Variants in LGALS3BP observed in about 807,000 individuals in gnomAD.
LGALS3BP encodes the protein galectin 3 binding protein.
LGALS3BP carries 25 observed loss-of-function variants against 22.9 expected under a neutral mutation model. That is an observed-to-expected ratio of 1.09 (90% CI 0.80 to 1.53). The LOEUF (loss-of-function observed/expected upper bound fraction) is 1.53. LGALS3BP is among the 40% of genes most tolerant of loss of function. LGALS3BP has a pLI of 0.00. For synonymous variants in LGALS3BP, 335 were observed against 331.1 expected (o/e 1.01, Z -0.13); for missense variants, 718 against 752.0 (o/e 0.95, Z 0.53).
chr17:78,971,296 A>G lies in LGALS3BP; in HGVS notation c.*280T>C, dbSNP rs2070667335. On this transcript the variant is annotated 3_prime_UTR_variant, in exon 6 of 6. Coordinates refer to ENST00000262776, the MANE Select transcript of LGALS3BP (RefSeq NM_005567.4). The surrounding 1 kb of genome is among the most constrained non-coding windows in gnomAD (Gnocchi z 5.6). ...ATTTTAATGACCTCAGACCAGTGACAAGGGCAGACTGACCAGGGGCTGTGG... is the reference window on the plus strand; with the variant it reads ...ATTTTAATGACCTCAGACCAGTGACGAGGGCAGACTGACCAGGGGCTGTGG... 1 of 493,094 alleles carries G rather than the reference A, an allele frequency of 2.0e-6. No individual in the cohort carries two copies. Among genetic ancestry groups the G allele is most frequent in the Admixed American group, 3.6e-5 (1 of 27,916 alleles). 30.5% of individuals were successfully genotyped at this position (493,094 alleles called of 1,614,324 possible). A position where few individuals can be genotyped will look rare whatever the true frequency, so the allele number is the denominator to read the frequency against.
intron 3 of LGALS3BP, 183 bp from the exon 4 acceptor site, chr17:78,975,002 T>C: frequency 1.4e-6 from 1 of 737,814 alleles, no homozygotes; most frequent in Admixed American, 3.0e-5. Flanking sequence ...TGTCAGGCCA[T>C]AAACTTAGCC....
Position 78,974,832 on chromosome 17 carries a change from C to G in LGALS3BP, c.245-13G>C. On this transcript the variant is annotated splice_polypyrimidine_tract_variant and intron_variant, in intron 3 of 5. Coordinates refer to ENST00000262776, the MANE Select transcript of LGALS3BP (RefSeq NM_005567.4). ...ATGGGGCCTGATCCTGTGGACACAG[C>G]AGATGGCAGGGCTGGGGGCGTGACG... 1 of 1,611,936 alleles carries G rather than the reference C, an allele frequency of 6.2e-7. No individual in the cohort carries two copies. Among genetic ancestry groups the G allele is most frequent in the Non-Finnish European group, 8.5e-7 (1 of 1,178,714 alleles).
chr17:78,974,926 G>A, intron 3 of LGALS3BP, 107 bp from the exon 4 acceptor site: 1 of 1,408,668 alleles, frequency 7.1e-7, no homozygotes, highest in Non-Finnish European at 9.6e-7. Flanking sequence ...GGGTCCATCT[G>A]CTTACAGGTC....
At chr17:78,975,052 A>C (rs564300581) in intron 3 of LGALS3BP, 1 of 549,992 alleles carries the variant, frequency 1.8e-6, no homozygotes, top group East Asian at 3.1e-5. Context: ...CAGCGACATC[A>C]CATTCATGTA....
chr17:78,974,868 G>A, intron 3 of LGALS3BP, 49 bp from the exon 4 acceptor site: 1 of 1,600,694 alleles, frequency 6.2e-7, no homozygotes, highest in Non-Finnish European at 8.5e-7. Flanking sequence ...ACTGCACCCA[G>A]GAGTCCCACA....
chr17:78,976,939 T>C lies in LGALS3BP; in HGVS notation c.52+201A>G. On this transcript the variant is annotated intron_variant, in intron 2 of 5. Transcript: ENST00000262776. The surrounding 1 kb of genome is among the most constrained non-coding windows in gnomAD (Gnocchi z 4.6). ...TAGTGTCCTCTCTATAACCTGCATC[T>C]CACCTGAACCCAGGTGAGCCCCCGG... 4 of 614,676 alleles carry C rather than the reference T, an allele frequency of 6.5e-6. No individual in the cohort carries two copies. In the South Asian group the frequency reaches 7.5e-5, roughly 12 times the overall value. The allele number at this position is 614,676 out of a possible 1,614,324, so 38.1% of individuals were successfully genotyped here. A position where few individuals can be genotyped will look rare whatever the true frequency, so the allele number is the denominator to read the frequency against.
Position 78,971,987 on chromosome 17 carries a change from G to C in LGALS3BP, c.1347C>G (p.Ala449=), listed in dbSNP as rs2070675512. 3.7e-6 allele frequency: 6 copies of C among 1,613,996 alleles called. No homozygotes were observed. In the East Asian group the frequency reaches 1.3e-4, roughly 36 times the overall value. The change falls in exon 6 of 6, where the codon GCC becomes GCG. Residue 449 remains alanine (A), a synonymous_variant. Transcript: ENST00000262776. The surrounding 1 kb of genome is among the most constrained non-coding windows in gnomAD (Gnocchi z 5.6). ...LVKYSSDYFQ[A]PSDYRYYPYQ... ...AGGGGTAGTATCTGTAGTCAGAGGG[G>C]GCTTGGAAGTAATCAGAAGAATATT...
At chr17:78,978,571 G>A (rs2070739468) in intron 1 of LGALS3BP, among the ~76,000 whole-genome samples, 1 of 152,244 alleles carries the variant, frequency 6.6e-6, no homozygotes, top group African/African-American at 2.4e-5. Context: ...GGCTAAAGGG[G>A]CCAGGGTGTG....
intron 3 of LGALS3BP, 139 bp from the exon 4 acceptor site, chr17:78,974,958 G>A: frequency 9.1e-7 from 1 of 1,096,886 alleles, no homozygotes. Context: ...AACCACGGAG[G>A]ATATTCCAGC....
rs2070717483 is a variant in LGALS3BP at position 78,976,044 on chromosome 17, CAGGTCCCACA to C, written c.155_164del (p.Leu52ArgfsTer55). ...CCCGGCAGACGACGCTGGCATCAGT[CAGGTCCCACA>C]GGTTGTCACACACAGTGCCCCACTG... On this transcript the variant is annotated frameshift_variant, in exon 3 of 6. Coordinates refer to ENST00000262776, the MANE Select transcript of LGALS3BP (RefSeq NM_005567.4). LOFTEE classifies it high-confidence loss of function. The surrounding 1 kb of genome is among the most constrained non-coding windows in gnomAD (Gnocchi z 4.6). 1 of 1,612,592 alleles carries C rather than the reference CAGGTCCCACA, an allele frequency of 6.2e-7. No homozygotes were observed.
In LGALS3BP at chr17:78,971,643, C is replaced by T. The variant is rs758803666; in HGVS notation, c.1691G>A (p.Gly564Glu). 8.7e-6 allele frequency: 14 copies of T among 1,613,682 alleles called. No homozygotes were observed. The highest frequency in any genetic ancestry group is 3.3e-5 in the Admixed American group (2 of 60,004). Reference protein sequence around the residue: ...KSTSSFPCPAGHFNGFRTVIR... With the variant: ...KSTSSFPCPAEHFNGFRTVIR... ...GACCGTGCGGAAGCCGTTGAAGTGCCCTGCCGGGCAGGGGAAGGAGGAGGT... is the reference window on the plus strand; with the variant it reads ...GACCGTGCGGAAGCCGTTGAAGTGCTCTGCCGGGCAGGGGAAGGAGGAGGT... Residue 564 changes from glycine (G) to glutamate (E), a missense_variant, in exon 6 of 6, where the codon GGG becomes GAG. Coordinates refer to ENST00000262776, the MANE Select transcript of LGALS3BP (RefSeq NM_005567.4). The surrounding 1 kb of genome is among the most constrained non-coding windows in gnomAD (Gnocchi z 5.6).
chr17:78,974,687 C>T lies in LGALS3BP; in HGVS notation c.376+1G>A, dbSNP rs2070703561. The T allele has an allele frequency of 1.2e-6, 2 of 1,613,086 alleles. No individual in the cohort carries two copies. The highest frequency in any genetic ancestry group is 1.7e-6 in the Non-Finnish European group (2 of 1,179,808). On this transcript the variant is annotated splice_donor_variant, in intron 4 of 5. Coordinates refer to ENST00000262776, the MANE Select transcript of LGALS3BP (RefSeq NM_005567.4). LOFTEE classifies it high-confidence loss of function. ...CCGCAGGGAGGTGCGCCCCCGCTCA[C>T]CATTGGTGCAGACCACACCAGCGTC...
chr17:78,979,217 C>G (rs188361245), intron 1 of LGALS3BP, among the ~76,000 whole-genome samples: 1 of 152,256 alleles, frequency 6.6e-6, no homozygotes, highest in Non-Finnish European at 1.5e-5. Flanking sequence ...AGGTGCTCTT[C>G]CTTGGAGTGG....
At chr17:78,975,183 A>G (rs528888412) in intron 3 of LGALS3BP, among the ~76,000 whole-genome samples, 23 of 150,440 alleles carry the variant, frequency 1.5e-4, no homozygotes, top group African/African-American at 5.3e-4. Flanking sequence ...TCAGGTTCAC[A>G]TATTGTAATT....
Position 78,976,302 on chromosome 17 carries a change from C to T in LGALS3BP, c.53-146G>A. On this transcript the variant is annotated intron_variant, in intron 2 of 5. Coordinates refer to ENST00000262776, the MANE Select transcript of LGALS3BP (RefSeq NM_005567.4). The surrounding 1 kb of genome is among the most constrained non-coding windows in gnomAD (Gnocchi z 4.6). ...CCCCTGGCCTCTCCATGAGGGGCAC[C>T]TCCATGAGGGAGGAGTGGAAGATAC... 1 of 683,392 alleles carries T rather than the reference C, an allele frequency of 1.5e-6. No homozygotes were observed. Among genetic ancestry groups the T allele is most frequent in the Non-Finnish European group, 2.4e-6 (1 of 423,868 alleles). 42.3% of individuals were successfully genotyped at this position (683,392 alleles called of 1,614,324 possible). A position where few individuals can be genotyped will look rare whatever the true frequency, so the allele number is the denominator to read the frequency against.
At chr17:78,974,364 C>A (rs146055141) in intron 4 of LGALS3BP, among the ~76,000 whole-genome samples, 1 of 152,178 alleles carries the variant, frequency 6.6e-6, no homozygotes, top group Non-Finnish European at 1.5e-5. Context: ...TATTTCTGAG[C>A]GGACGCTGGC....
chr17:78,977,591 C>T (rs920323762), intron 1 of LGALS3BP: 3 of 230,980 alleles, frequency 1.3e-5, no homozygotes, highest in East Asian at 1.3e-4. Context: ...AGGCCACAGG[C>T]GTGGGCCCAG....
In LGALS3BP at chr17:78,974,366, G is replaced by A. The variant is rs1300866875; in HGVS notation, c.376+322C>T. Among the ~76,000 whole-genome samples the A allele has an allele frequency of 3.9e-5, 6 of 152,236 alleles. 1 individual carries two copies. Among genetic ancestry groups the A allele is most frequent in the African/African-American group, 9.6e-5 (4 of 41,462 alleles). On this transcript the variant is annotated intron_variant, in intron 4 of 5. Coordinates refer to ENST00000262776, the MANE Select transcript of LGALS3BP (RefSeq NM_005567.4). Reference sequence around the variant, plus strand: ...GTGCTGTGAAGTGTATTTCTGAGCGGACGCTGGCATTTCAGGTCAGGCTGG... The same window carrying A: ...GTGCTGTGAAGTGTATTTCTGAGCGAACGCTGGCATTTCAGGTCAGGCTGG...
chr17:78,973,912 C>T lies in LGALS3BP; in HGVS notation c.377-690G>A, dbSNP rs1171599950. Among the ~76,000 whole-genome samples the T allele has an allele frequency of 3.3e-5, 5 of 152,272 alleles. No homozygotes were observed. Among genetic ancestry groups the T allele is most frequent in the Non-Finnish European group, 5.9e-5 (4 of 68,050 alleles). ...GACCCCCAGCTCCCTCCCACCTGCA[C>T]GCCTTACCACAGCTCTCCTGCCCCA... On this transcript the variant is annotated intron_variant, in intron 4 of 5. Coordinates refer to ENST00000262776, the MANE Select transcript of LGALS3BP (RefSeq NM_005567.4). The surrounding 1 kb of genome is among the most constrained non-coding windows in gnomAD (Gnocchi z 5.8).
Sources: allele counts gnomAD v4.1 joint callset (sites outside exome capture counted in the v4.1 genomes callset), GRCh38; gene constraint gnomAD v4.1.1; non-coding constraint Gnocchi (gnomAD v3.1); transcripts MANE v1.5; gene names NCBI Gene and HGNC (gene_info 2026-07-23, HGNC 2026-07-21).